USP34: variants seen among roughly 807,000 people sequenced by gnomAD.
The protein encoded by USP34 is ubiquitin specific peptidase 34, also known as ubiquitin carboxyl-terminal hydrolase 34.
A neutral mutation model predicts 460.3 loss-of-function variants in USP34; 70 were observed. That is an observed-to-expected ratio of 0.15 (90% confidence interval 0.13 to 0.19). The LOEUF is 0.19. Ranked by LOEUF, USP34 falls within the 10% of genes least tolerant of loss-of-function variation. The pLI is 1.00. For missense variants in USP34, 3,985 were observed against 4,236.2 expected (o/e 0.94, Z 1.65); for synonymous variants, 1,647 against 1,405.3 (o/e 1.17, Z -3.85).
chr2:61,403,351 T>C (rs1450694978), intron 3 of USP34, among the ~76,000 whole-genome samples: 1 of 152,134 alleles, frequency 6.6e-6, no homozygotes, highest in Middle Eastern at 3.2e-3. Flanking sequence ...TAGTTCTATA[T>C]CATTAAGAAA....
At chr2:61,198,859 ACT>A (rs1208003183) in intron 75 of USP34, among the ~76,000 whole-genome samples, 7 of 152,032 alleles carry the variant, frequency 4.6e-5, no homozygotes, top group Non-Finnish European at 7.4e-5. Context: ...ACAGGGTGAC[ACT>A]CTGTCTCAAA....
rs1384065634 is a variant in USP34 at position 61,281,101 on chromosome 2, T to C, written c.5140A>G (p.Lys1714Glu). ...LKFLPDAQAL[K>E]PIRIDDYEEE... is the part of the protein sequence containing the mutation. ...CAGTAAAATCTTACCCTAATAGGTTTGAGTGCTTGAGCATCAGGAAGAAAT... is the reference window on the plus strand; with the variant it reads ...CAGTAAAATCTTACCCTAATAGGTTCGAGTGCTTGAGCATCAGGAAGAAAT... The change falls in exon 38 of 80, where the codon AAA becomes GAA. Residue 1714 changes from lysine to glutamate, a missense_variant. This residue lies in a region of USP34 where 1,114 missense variants were observed against 1,122.5 expected (regional missense o/e 0.99). Transcript: ENST00000398571. The C allele has an allele frequency of 1.2e-6, 2 of 1,613,614 alleles. No homozygotes were observed. The highest frequency in any genetic ancestry group is 8.5e-7 in the Non-Finnish European group (1 of 1,179,738).
In USP34 at chr2:61,282,821, A is replaced by T. The variant is rs546368384; in HGVS notation, c.4998+324T>A. Reference sequence around the variant, plus strand: ...CAAAGAAAGAAAAAAAAAAGGCCACAGAACTTTTCTAAAACATAAATTACC... The same window carrying T: ...CAAAGAAAGAAAAAAAAAAGGCCACTGAACTTTTCTAAAACATAAATTACC... On this transcript the variant is annotated intron_variant, in intron 37 of 79. Transcript: ENST00000398571. 5.3e-5 allele frequency among the ~76,000 whole-genome samples: 8 copies of T among 152,262 alleles called. No homozygotes were observed. The South Asian group carries it at 1.7e-3, about 32-fold the overall frequency.
intron 41 of USP34, 169 bp downstream of exon 41, chr2:61,277,996 G>T: frequency 1.2e-6 from 1 of 848,964 alleles, no homozygotes; most frequent in Non-Finnish European, 1.7e-6. Flanking sequence ...CGATTGTGAG[G>T]CCTCCCCAGC....
At chr2:61,358,893 C>T (rs978407643) in intron 10 of USP34, among the ~76,000 whole-genome samples, 1 of 152,064 alleles carries the variant, frequency 6.6e-6, no homozygotes, top group African/African-American at 2.4e-5. Flanking sequence ...TACTCAGGAA[C>T]AAATCTAACC....
chr2:61,248,185 C>CA (rs11339335), intron 49 of USP34, among the ~76,000 whole-genome samples: 4,197 of 68,984 alleles, frequency 0.061, 105 homozygotes, highest in African/African-American at 0.085. Context: ...CTCAGAAGAC[C>CA]AAAAAAAAAA....
At chr2:61,320,879 G>C (rs941445969) in intron 21 of USP34, among the ~76,000 whole-genome samples, 1 of 151,796 alleles carries the variant, frequency 6.6e-6, no homozygotes, top group Non-Finnish European at 1.5e-5. Flanking sequence ...GCGTGGTGGT[G>C]GGTGCCTGTA....
rs530249717 is a variant in USP34 at position 61,401,836 on chromosome 2, G to C, written c.552+3872C>G. 4.0e-5 allele frequency among the ~76,000 whole-genome samples: 6 copies of C among 151,138 alleles called. No homozygotes were observed. In the South Asian group the frequency reaches 1.3e-3, roughly 32 times the overall value. The stretch of plus-strand genomic sequence containing the variant: ...GCCTCCAAAAGTGCTGGGATTACAG[G>C]CATGAGCCACCGCGCCCGGCCCATT... On this transcript the variant is annotated intron_variant, in intron 3 of 79. Transcript: ENST00000398571.
intron 43 of USP34, among the ~76,000 whole-genome samples, chr2:61,263,380 T>C (rs1472574301): frequency 2.0e-5 from 3 of 151,748 alleles, no homozygotes. Context: ...ATGGCTTCAC[T>C]ATGTTGGCCA....
intron 39 of USP34, among the ~76,000 whole-genome samples, chr2:61,279,290 G>A (rs919608457): frequency 2.0e-5 from 3 of 152,096 alleles, no homozygotes; most frequent in African/African-American, 7.2e-5. Flanking sequence ...TGAACATATT[G>A]AACTTTGATT....
chr2:61,470,819 G>A lies in USP34; in HGVS notation c.-127C>T, dbSNP rs1164064178. 1 of 580,742 alleles carries A rather than the reference G, an allele frequency of 1.7e-6. No homozygotes were observed. The allele number at this position is 580,742 out of a possible 1,614,324, so 36.0% of individuals were successfully genotyped here. A position where few individuals can be genotyped will look rare whatever the true frequency, so the allele number is the denominator to read the frequency against. On this transcript the variant is annotated 5_prime_UTR_variant, in exon 1 of 80. Coordinates refer to ENST00000398571, the MANE Select transcript of USP34 (RefSeq NM_014709.4). ...GGCGGGGCGGGGAGGCGACTAGGGC[G>A]GGCGGCGGCGGGGACGGGGCGGGGA...
chr2:61,312,819 G>C (rs866304939), intron 25 of USP34, among the ~76,000 whole-genome samples: 1 of 152,172 alleles, frequency 6.6e-6, no homozygotes, highest in Admixed American at 6.5e-5. Context: ...CTCTTGCTGT[G>C]ATTATCAGAA....
chr2:61,301,075 T>C lies in USP34; in HGVS notation c.4004A>G (p.Gln1335Arg). The C allele has an allele frequency of 6.2e-7, 1 of 1,614,080 alleles. No homozygotes were observed. The highest frequency in any genetic ancestry group is 8.5e-7 in the Non-Finnish European group (1 of 1,180,008). ...QLPASCLPPP[Q>R]KDNIPMLLLL... is the part of the protein sequence containing the mutation. The stretch of plus-strand genomic sequence containing the variant: ...CAAAAGCATTGGAATGTTGTCCTTC[T>C]GAGGGGGTGGGAGGCAAGATGCTGG... The change falls in exon 29 of 80, where the codon CAG (glutamine) becomes CGG (arginine). Residue 1335 changes from glutamine (Q) to arginine (R), a missense_variant. Transcript: ENST00000398571.
At chr2:61,362,096 G>A (rs560507053) in intron 10 of USP34, among the ~76,000 whole-genome samples, 2 of 152,156 alleles carry the variant, frequency 1.3e-5, no homozygotes, top group African/African-American at 4.8e-5. Context: ...TCAGAGAAAC[G>A]CAAATCAAAA....
intron 5 of USP34, among the ~76,000 whole-genome samples, chr2:61,393,229 G>A (rs553253201): frequency 6.6e-6 from 1 of 152,100 alleles, no homozygotes; most frequent in Non-Finnish European, 1.5e-5. Flanking sequence ...TTAGGAGTTT[G>A]AGACCAGCCT....
chr2:61,378,927 A>C (rs914304041), intron 7 of USP34, among the ~76,000 whole-genome samples: 1 of 148,950 alleles, frequency 6.7e-6, no homozygotes, highest in Admixed American at 6.7e-5. Flanking sequence ...AAAAAAAAAA[A>C]AAAAAAAAAA....
intron 8 of USP34, among the ~76,000 whole-genome samples, chr2:61,375,163 A>T (rs1692754410): frequency 6.6e-6 from 1 of 152,216 alleles, no homozygotes; most frequent in Non-Finnish European, 1.5e-5. Context: ...TACATCATTA[A>T]TAATTAGGGA....
intron 75 of USP34, among the ~76,000 whole-genome samples, chr2:61,202,244 G>A (rs886999568): frequency 1.3e-5 from 2 of 152,128 alleles, no homozygotes; most frequent in Non-Finnish European, 2.9e-5. Context: ...GGAAGGAGAG[G>A]GCTACGACTG....
chr2:61,315,923 T>C (rs1038592742), intron 23 of USP34, among the ~76,000 whole-genome samples: 8 of 151,582 alleles, frequency 5.3e-5, no homozygotes, highest in African/African-American at 1.5e-4. Flanking sequence ...TAGTGGGCCG[T>C]GTGGAGTGGC....
Sources: allele counts gnomAD v4.1 joint callset (sites outside exome capture counted in the v4.1 genomes callset), GRCh38; gene constraint gnomAD v4.1.1; regional missense constraint gnomAD v4.1.1; transcripts MANE v1.5; gene names NCBI Gene and HGNC (gene_info 2026-07-23, HGNC 2026-07-21).